The following COL5A2 variants were observed in gnomAD, a reference collection of about 807,000 sequenced individuals.
The protein encoded by COL5A2 is collagen type V alpha 2 chain, also known as collagen alpha-2(V) chain.
A neutral mutation model predicts 208.2 loss-of-function variants in COL5A2; 23 were observed. The observed-to-expected ratio is 0.11, with a 90% CI of 0.08 to 0.16. The LOEUF is 0.16. COL5A2 is among the 10% of genes least tolerant of loss of function. COL5A2 has a pLI of 1.00. For missense variants in COL5A2, 1,590 were observed against 1,956.4 expected (o/e 0.81, Z 3.53); for synonymous variants, 625 against 628.5 (o/e 0.99, Z 0.08).
chr2:189,135,703 A>C (rs189137657), intron 1 of COL5A2, among the ~76,000 whole-genome samples: 13 of 152,364 alleles, frequency 8.5e-5, no homozygotes, highest in Admixed American at 3.3e-4. Context: ...AAGATCATTC[A>C]GTTTAAAAGG....
intron 1 of COL5A2, among the ~76,000 whole-genome samples, chr2:189,145,529 T>C (rs1051015462): frequency 1.3e-5 from 2 of 152,080 alleles, no homozygotes; most frequent in Non-Finnish European, 2.9e-5. Flanking sequence ...ACACTAAAAC[T>C]TTATGAACAC....
rs577663975 is a variant in COL5A2 at position 189,057,481 on chromosome 2, T to C, written c.2230-54A>G. On this transcript the variant is annotated intron_variant, in intron 33 of 53. Coordinates refer to ENST00000374866, the MANE Select transcript of COL5A2 (RefSeq NM_000393.5). ...ACCAATAATATTAAGATTAAACTAA[T>C]GAAATTGCTTTTTAGTGGGTCAAAA... 1,041 of 1,356,544 alleles carry C rather than the reference T, an allele frequency of 7.7e-4. 6 individuals carry two copies. The African/African-American group carries it at 0.014, about 18-fold the overall frequency. The allele number at this position is 1,356,544 out of a possible 1,614,324, so 84.0% of individuals were successfully genotyped here.
chr2:189,110,205 T>G lies in COL5A2; in HGVS notation c.322+20A>C, dbSNP rs1173831550. 1 of 1,504,844 alleles carries G rather than the reference T, an allele frequency of 6.6e-7. No individual in the cohort carries two copies. The allele number at this position is 1,504,844 out of a possible 1,614,324, so 93.2% of individuals were successfully genotyped here. A position where few individuals can be genotyped will look rare whatever the true frequency, so the allele number is the denominator to read the frequency against. The stretch of plus-strand genomic sequence containing the variant: ...GGTGAGTAACTGGATCAATTATGAG[T>G]TGGCCCTAAACATTCTTACCAAAAT... On this transcript the variant is annotated intron_variant, in intron 2 of 53. Coordinates refer to ENST00000374866, the MANE Select transcript of COL5A2 (RefSeq NM_000393.5).
upstream of COL5A2, among the ~76,000 whole-genome samples, chr2:189,228,457 T>C (rs1330052140): frequency 6.6e-6 from 1 of 151,552 alleles, no homozygotes; most frequent in Non-Finnish European, 1.5e-5. Flanking sequence ...AAAATGGACA[T>C]CAAAGAGGAG....
chr2:189,377,465 T>C, the COL5A2 span, among the ~76,000 whole-genome samples: 1 of 152,366 alleles, frequency 6.6e-6, no homozygotes, highest in Non-Finnish European at 1.5e-5. Flanking sequence ...CAGGAATTCA[T>C]GGTGCTTTCA....
intron 1 of COL5A2, among the ~76,000 whole-genome samples, chr2:189,136,061 G>A (rs976127489): frequency 2.0e-5 from 3 of 152,186 alleles, no homozygotes; most frequent in Non-Finnish European, 4.4e-5. Context: ...AAATGATTGC[G>A]AGTGGGATGG....
At chr2:189,418,959 G>C in the COL5A2 span, among the ~76,000 whole-genome samples, 1 of 152,096 alleles carries the variant, frequency 6.6e-6, no homozygotes, top group Non-Finnish European at 1.5e-5. Context: ...CTTAGTGGGT[G>C]ATCCAAATGT....
chr2:189,064,485 C>T, intron 25 of COL5A2, 72 bp downstream of exon 25: 1 of 1,102,630 alleles, frequency 9.1e-7, no homozygotes, highest in Non-Finnish European at 1.4e-6. Flanking sequence ...TAAAAACAAA[C>T]AAAAACCCGA....
chr2:189,054,239 T>C lies in COL5A2; in HGVS notation c.2392-27A>G, dbSNP rs1438462620. 2.5e-6 allele frequency: 4 copies of C among 1,584,746 alleles called. No individual in the cohort carries two copies. The South Asian group carries it at 3.3e-5, about 13-fold the overall frequency. On this transcript the variant is annotated intron_variant, in intron 35 of 53. Coordinates refer to ENST00000374866, the MANE Select transcript of COL5A2 (RefSeq NM_000393.5). ...TGTCAATTAACAGAACATAGGCATA[T>C]TGAGGTAAAAAATGCACAGAAATCT...
rs182512241 is a variant in COL5A2, at chr2:189,069,139, C to T, written c.1159-255G>A. The stretch of plus-strand genomic sequence containing the variant: ...AATCTCCAGTTGAAGAAGCCCTACA[C>T]CAGGGTTAGCTTAAGTTCCCTCTCC... On this transcript the variant is annotated intron_variant, in intron 18 of 53. Coordinates refer to ENST00000374866, the MANE Select transcript of COL5A2 (RefSeq NM_000393.5). Among the ~76,000 whole-genome samples, 6 of 152,254 alleles carry T rather than the reference C, an allele frequency of 3.9e-5. No individual in the cohort carries two copies. The East Asian group carries it at 9.7e-4, about 25-fold the overall frequency.
intron 1 of COL5A2, among the ~76,000 whole-genome samples, chr2:189,211,562 T>C (rs1689213731): frequency 6.6e-6 from 1 of 151,912 alleles, no homozygotes; most frequent in Non-Finnish European, 1.5e-5. Flanking sequence ...AGTAGAAAAA[T>C]AGGCAAAACT....
At chr2:189,369,701 T>G in the COL5A2 span, among the ~76,000 whole-genome samples, 1 of 152,196 alleles carries the variant, frequency 6.6e-6, no homozygotes, top group Non-Finnish European at 1.5e-5. Context: ...TCTTGAGTCA[T>G]TTCTAAGAAA....
the COL5A2 span, among the ~76,000 whole-genome samples, chr2:189,303,343 T>C: frequency 2.6e-5 from 4 of 152,172 alleles, no homozygotes; most frequent in African/African-American, 9.7e-5. Context: ...ACTATAACAC[T>C]GTTCAAGACT....
At chr2:189,078,971 T>G in intron 15 of COL5A2, 92 bp downstream of exon 15, 1 of 1,038,408 alleles carries the variant, frequency 9.6e-7, no homozygotes, top group Non-Finnish European at 1.5e-6. Flanking sequence ...TCCATTTATT[T>G]TTATTTTTCA....
chr2:189,148,109 T>A (rs2105783038), intron 1 of COL5A2, among the ~76,000 whole-genome samples: 1 of 152,226 alleles, frequency 6.6e-6, no homozygotes, highest in East Asian at 1.9e-4. Context: ...TATGTTACTA[T>A]TCACTGGGGG....
intron 51 of COL5A2, 59 bp from the exon 52 acceptor site, chr2:189,036,862 C>T: frequency 2.3e-6 from 3 of 1,282,642 alleles, no homozygotes; most frequent in Non-Finnish European, 3.3e-6. Context: ...GACTATAAGT[C>T]TCCAAAAGAA....
the COL5A2 span, among the ~76,000 whole-genome samples, chr2:189,438,821 C>T: frequency 2.0e-5 from 3 of 152,254 alleles, no homozygotes; most frequent in Non-Finnish European, 2.9e-5. Context: ...TTAGCCTAAT[C>T]GTTTCACTTT....
At chr2:189,219,322 A>C (rs1013398547) in intron 1 of COL5A2, among the ~76,000 whole-genome samples, 6 of 151,984 alleles carry the variant, frequency 3.9e-5, no homozygotes, top group African/African-American at 1.2e-4. Context: ...ACTGGTTAAC[A>C]CTCCAGTCAA....
the COL5A2 span, among the ~76,000 whole-genome samples, chr2:189,364,515 C>T: frequency 3.9e-5 from 6 of 152,096 alleles, no homozygotes; most frequent in African/African-American, 1.4e-4. Context: ...GGTGAAACCC[C>T]GTCTCTACTA....
Sources: allele counts gnomAD v4.1 joint callset (sites outside exome capture counted in the v4.1 genomes callset), GRCh38; gene constraint gnomAD v4.1.1; transcripts MANE v1.5; gene names NCBI Gene and HGNC (gene_info 2026-07-23, HGNC 2026-07-21).